The following CNTLN variants were observed in gnomAD, a reference collection of about 807,000 sequenced individuals.
CNTLN encodes the protein centlein, centrosomal protein.
CNTLN carries 212 observed loss-of-function variants against 180.0 expected under a neutral mutation model. That is an observed-to-expected ratio of 1.18 (90% CI 1.05 to 1.32). The LOEUF (loss-of-function observed/expected upper bound fraction) is 1.32, where lower values mean the gene tolerates loss of function less well. Among genes scored for constraint, CNTLN ranks in the 40% most tolerant of loss-of-function variants. The pLI, the probability that CNTLN is intolerant of heterozygous loss-of-function variation, is 0.00. For missense variants in CNTLN, 2,095 were observed against 1,610.9 expected (o/e 1.30, Z -5.14); for synonymous variants, 722 against 563.1 (o/e 1.28, Z -3.99).
intron 3 of CNTLN, among the ~76,000 whole-genome samples, chr9:17,230,680 G>C (rs1450718355): frequency 1.3e-5 from 2 of 152,008 alleles, no homozygotes. Flanking sequence ...AATACTCTGA[G>C]TGTGTTTAAA....
intron 6 of CNTLN, among the ~76,000 whole-genome samples, chr9:17,280,186 A>G (rs1422517147): frequency 6.6e-6 from 1 of 152,204 alleles, no homozygotes; most frequent in African/African-American, 2.4e-5. Context: ...TATTAGATTT[A>G]TATTTCAGCA....
Position 17,366,651 on chromosome 9 carries a change from G to T in CNTLN, c.1921G>T (p.Val641Leu). Reference protein sequence around the residue: ...NLEEELDELKVHISIDKAAIQ... With the variant: ...NLEEELDELKLHISIDKAAIQ... ...TGAAGAAGAATTAGATGAACTTAAA[G>T]TACATATATCTATTGATAAGGCAGC... Residue 641 changes from valine to leucine, a missense_variant, in exon 13 of 26, where the codon GTA becomes TTA. By Grantham distance (32) the Val-to-Leu change is conservative. Coordinates refer to ENST00000380647, the MANE Select transcript of CNTLN (RefSeq NM_017738.4). The T allele has an allele frequency of 1.3e-6, 2 of 1,575,174 alleles. No homozygotes were observed. Among genetic ancestry groups the T allele is most frequent in the East Asian group, 2.3e-5 (1 of 44,006 alleles).
chr9:17,306,960 C>G (rs1290063290), intron 7 of CNTLN, among the ~76,000 whole-genome samples: 1 of 152,050 alleles, frequency 6.6e-6, no homozygotes, highest in Non-Finnish European at 1.5e-5. Flanking sequence ...TTGCTTTTTT[C>G]TTTTCTACCC....
chr9:17,309,007 C>T, intron 7 of CNTLN, 51 bp from the exon 8 acceptor site: 1 of 1,255,440 alleles, frequency 8.0e-7, no homozygotes, highest in South Asian at 1.6e-5. Context: ...GACACACAGA[C>T]ACATAGTTTT....
intron 15 of CNTLN, among the ~76,000 whole-genome samples, chr9:17,407,290 C>T (rs917793811): frequency 2.6e-5 from 4 of 152,170 alleles, no homozygotes; most frequent in Admixed American, 6.5e-5. Flanking sequence ...TAAAAGAATA[C>T]TTTGTGAATG....
At chr9:17,220,995 C>G (rs952964683) in intron 2 of CNTLN, among the ~76,000 whole-genome samples, 1 of 152,100 alleles carries the variant, frequency 6.6e-6, no homozygotes, top group African/African-American at 2.4e-5. Flanking sequence ...AAAATAGATT[C>G]ATGGTATATC....
intron 18 of CNTLN, chr9:17,447,132 G>A (rs1310140296): frequency 5.5e-5 from 12 of 216,444 alleles, no homozygotes; most frequent in East Asian, 4.4e-4. Flanking sequence ...AGCTTCTCCC[G>A]CTGCGGTGTC....
At chr9:17,210,237 C>T (rs995757516) in intron 2 of CNTLN, among the ~76,000 whole-genome samples, 3 of 152,134 alleles carry the variant, frequency 2.0e-5, no homozygotes, top group African/African-American at 4.8e-5. Context: ...CGACAGGCCC[C>T]GGTGTGTAAT....
chr9:17,247,264 C>T (rs1410910123), intron 5 of CNTLN, among the ~76,000 whole-genome samples: 1 of 152,092 alleles, frequency 6.6e-6, no homozygotes, highest in Non-Finnish European at 1.5e-5. Context: ...CCTCAGATCA[C>T]CTTAGCTCAT....
At chr9:17,467,728 T>C (rs1831830901) in intron 23 of CNTLN, among the ~76,000 whole-genome samples, 1 of 151,674 alleles carries the variant, frequency 6.6e-6, no homozygotes, top group Admixed American at 6.6e-5. Flanking sequence ...GCTTGTTGAA[T>C]AGTTTCACTG....
At chr9:17,256,683 T>C (rs563329874) in intron 5 of CNTLN, among the ~76,000 whole-genome samples, 158 of 152,036 alleles carry the variant, frequency 1.0e-3, no homozygotes, top group Non-Finnish European at 1.8e-3. Flanking sequence ...GTTGGTTTTA[T>C]AGACAGAAAA....
rs1254731207 is a variant in CNTLN at position 17,307,086 on chromosome 9, C to G, written c.1147-1972C>G. ...TGCCTCCTAGAATATTTGATGGTAT[C>G]AGCTGTGGAAATGACATTGGACATG... is the stretch of plus-strand genomic sequence containing the variant. On this transcript the variant is annotated intron_variant, in intron 7 of 25. Coordinates refer to ENST00000380647, the MANE Select transcript of CNTLN (RefSeq NM_017738.4). 2.6e-5 allele frequency among the ~76,000 whole-genome samples: 4 copies of G among 152,194 alleles called. No individual in the cohort carries two copies. The East Asian group carries it at 7.7e-4, about 29-fold the overall frequency.
At chr9:17,216,103 C>T (rs1463353727) in intron 2 of CNTLN, among the ~76,000 whole-genome samples, 2 of 152,144 alleles carry the variant, frequency 1.3e-5, no homozygotes, top group Admixed American at 1.3e-4. Flanking sequence ...AACCCGTTAC[C>T]TCAGTTGGAA....
intron 16 of CNTLN, among the ~76,000 whole-genome samples, chr9:17,411,922 A>C (rs1012440873): frequency 6.6e-6 from 1 of 152,122 alleles, no homozygotes; most frequent in Non-Finnish European, 1.5e-5. Flanking sequence ...ATCCACCTCC[A>C]TTCAGCATTG....
intron 8 of CNTLN, among the ~76,000 whole-genome samples, chr9:17,329,285 C>T (rs1820494182): frequency 6.6e-6 from 1 of 151,740 alleles, no homozygotes; most frequent in Admixed American, 6.6e-5. Flanking sequence ...GGCAGCCCAA[C>T]CAAAGGAAAT....
chr9:17,204,455 C>CTGGA (rs1563877835), intron 2 of CNTLN, among the ~76,000 whole-genome samples: 7 of 152,096 alleles, frequency 4.6e-5, no homozygotes, highest in Admixed American at 3.9e-4. Flanking sequence ...CTGCAGCTTG[C>CTGGA]TGGAGGTCCA....
chr9:17,524,169 G>T, the CNTLN span, among the ~76,000 whole-genome samples: 1 of 152,156 alleles, frequency 6.6e-6, no homozygotes, highest in African/African-American at 2.4e-5. Flanking sequence ...GTGTTTATAT[G>T]TATGTGCATA....
chr9:17,375,853 G>T (rs1824716308), intron 13 of CNTLN, among the ~76,000 whole-genome samples: 2 of 152,062 alleles, frequency 1.3e-5, no homozygotes, highest in African/African-American at 4.8e-5. Flanking sequence ...CTTTATTAAA[G>T]CCAAGATAAC....
In CNTLN at chr9:17,336,926, C is replaced by T. The variant is rs976268975; in HGVS notation, c.1645-3901C>T. 4.6e-5 allele frequency among the ~76,000 whole-genome samples: 7 copies of T among 152,150 alleles called. No individual in the cohort carries two copies. In the East Asian group the frequency reaches 5.8e-4, roughly 13 times the overall value. Reference sequence around the variant, plus strand: ...CAATGGTTGAACTAATTTACCCTCCCGCCAACAGTGTACAAGTGTTTCTGT... The same window carrying T: ...CAATGGTTGAACTAATTTACCCTCCTGCCAACAGTGTACAAGTGTTTCTGT... On this transcript the variant is annotated intron_variant, in intron 10 of 25. Coordinates refer to ENST00000380647, the MANE Select transcript of CNTLN (RefSeq NM_017738.4).
Sources: gnomAD v4.1 joint callset for allele counts (sites outside exome capture counted in the v4.1 genomes callset) on GRCh38, gnomAD v4.1.1 for gene constraint, MANE v1.5 for transcripts, NCBI Gene and HGNC (gene_info 2026-07-23, HGNC 2026-07-21) for gene names.